Variants in CLDN14 observed in about 807,000 individuals in gnomAD.
CLDN14 encodes claudin 14.
A neutral mutation model predicts 2.1 loss-of-function variants in CLDN14; 2 were observed. The observed-to-expected ratio is 0.96, with a 90% CI of 0.39 to 3.01. CLDN14 has a LOEUF of 3.01. CLDN14 is among the 30% of genes most tolerant of loss of function. The probability of loss-of-function intolerance (pLI) is 0.09; values close to 1 mark genes in which losing one functional copy is unlikely to be tolerated. For missense variants in CLDN14, 298 were observed against 328.0 expected (o/e 0.91, Z 0.71); for synonymous variants, 136 against 154.4 (o/e 0.88, Z 0.88).
chr21:36,567,505 C>T (rs964027021), intron 1 of CLDN14, among the ~76,000 whole-genome samples: 8 of 152,200 alleles, frequency 5.3e-5, no homozygotes, highest in African/African-American at 1.9e-4. Flanking sequence ...TCCTTAATTA[C>T]AGCACGATTA....
chr21:36,501,594 C>G (rs1029522187), intron 2 of CLDN14, among the ~76,000 whole-genome samples: 4 of 151,960 alleles, frequency 2.6e-5, no homozygotes, highest in Admixed American at 2.6e-4. Context: ...AAATTTCCTC[C>G]TTGAAGATCT....
intron 2 of CLDN14, chr21:36,486,403 C>T (rs759096807): frequency 1.7e-6 from 2 of 1,158,912 alleles, no homozygotes; most frequent in East Asian, 4.7e-5. Flanking sequence ...CGTCTGGGCT[C>T]CTCATCCTGC....
intron 1 of CLDN14, among the ~76,000 whole-genome samples, chr21:36,552,034 C>A (rs1481144847): frequency 2.0e-5 from 3 of 152,200 alleles, no homozygotes; most frequent in Non-Finnish European, 2.9e-5. Flanking sequence ...GATAAAGTTA[C>A]TACATTCATC....
At chr21:36,508,718 C>T (rs1000423875) in intron 2 of CLDN14, among the ~76,000 whole-genome samples, 2 of 152,194 alleles carry the variant, frequency 1.3e-5, no homozygotes, top group Admixed American at 6.5e-5. Flanking sequence ...TTCTGTTAGC[C>T]AGGGTGGGCC....
chr21:36,476,437 A>G (rs1298763909), intron 1 of CLDN14, among the ~76,000 whole-genome samples: 1 of 148,262 alleles, frequency 6.7e-6, no homozygotes, highest in African/African-American at 2.5e-5. Flanking sequence ...ACAGGCATTT[A>G]TATTTTAATG....
At chr21:36,514,946 C>T (rs894636547) in intron 1 of CLDN14, among the ~76,000 whole-genome samples, 5 of 152,054 alleles carry the variant, frequency 3.3e-5, no homozygotes, top group African/African-American at 1.2e-4. Context: ...TCACTCAGAG[C>T]GACTTGAAAG....
At chr21:36,552,642 T>C (rs532321892) in intron 1 of CLDN14, among the ~76,000 whole-genome samples, 2 of 152,220 alleles carry the variant, frequency 1.3e-5, no homozygotes, top group Admixed American at 1.3e-4. Context: ...TTTACTGACC[T>C]GTGAAGTAAA....
chr21:36,541,583 G>T (rs992949980), intron 1 of CLDN14, among the ~76,000 whole-genome samples: 1 of 152,142 alleles, frequency 6.6e-6, no homozygotes, highest in African/African-American at 2.4e-5. Context: ...TTTCAACTTC[G>T]AAAGCATTTT....
chr21:36,540,569 T>C (rs1167433893), intron 1 of CLDN14, among the ~76,000 whole-genome samples: 4 of 151,640 alleles, frequency 2.6e-5, no homozygotes, highest in African/African-American at 7.3e-5. Context: ...CCCTCTGAAA[T>C]CCCACTCGTT....
chr21:36,565,780 C>T (rs1166702159), intron 1 of CLDN14, among the ~76,000 whole-genome samples: 1 of 152,178 alleles, frequency 6.6e-6, no homozygotes, highest in Non-Finnish European at 1.5e-5. Context: ...CTTTGCTCTA[C>T]AGCTGGTGCT....
chr21:36,525,846 T>C (rs2146497241), intron 1 of CLDN14, among the ~76,000 whole-genome samples: 1 of 152,202 alleles, frequency 6.6e-6, no homozygotes, highest in South Asian at 2.1e-4. Flanking sequence ...ACCGGTTACA[T>C]GGAGTCTTTA....
intron 2 of CLDN14, among the ~76,000 whole-genome samples, chr21:36,490,038 G>C (rs556713746): frequency 2.0e-5 from 3 of 152,184 alleles, no homozygotes; most frequent in Non-Finnish European, 2.9e-5. Flanking sequence ...TACGGCTGAG[G>C]GATCAGGATG....
At chr21:36,488,265 C>CCTTCCTTG (rs1486034082) in intron 2 of CLDN14, among the ~76,000 whole-genome samples, 5 of 149,932 alleles carry the variant, frequency 3.3e-5, no homozygotes, top group African/African-American at 1.2e-4. Flanking sequence ...TTCCTTCCTT[C>CCTTCCTTG]CTTCCTTCCC....
intron 1 of CLDN14, among the ~76,000 whole-genome samples, chr21:36,473,583 C>G (rs1328098150): frequency 1.2e-4 from 18 of 152,190 alleles, no homozygotes; most frequent in Admixed American, 1.2e-3. Flanking sequence ...CTGTGCCTAC[C>G]CACCTGGGGA....
chr21:36,529,186 C>G (rs1322304801), intron 1 of CLDN14, among the ~76,000 whole-genome samples: 3 of 152,150 alleles, frequency 2.0e-5, no homozygotes, highest in Non-Finnish European at 2.9e-5. Context: ...AATGCTTTCC[C>G]CGATCTCAAC....
chr21:36,508,832 G>A (rs1474578708), intron 2 of CLDN14, among the ~76,000 whole-genome samples: 1 of 152,202 alleles, frequency 6.6e-6, no homozygotes, highest in Non-Finnish European at 1.5e-5. Context: ...GGAAGGTTCT[G>A]GAGTAAGGGG....
At chr21:36,565,031 G>A (rs763597449) in intron 1 of CLDN14, among the ~76,000 whole-genome samples, 2 of 152,204 alleles carry the variant, frequency 1.3e-5, no homozygotes, top group Non-Finnish European at 1.5e-5. Flanking sequence ...CTCTAGAACT[G>A]TAGGATAATA....
At chr21:36,518,858 A>T (rs1291119444) in intron 1 of CLDN14, among the ~76,000 whole-genome samples, 4 of 152,216 alleles carry the variant, frequency 2.6e-5, no homozygotes, top group Admixed American at 6.5e-5. Context: ...AGAGGTACAA[A>T]TCAGGACCTG....
chr21:36,573,871 C>T (rs1204417982), intron 1 of CLDN14, among the ~76,000 whole-genome samples: 1 of 152,002 alleles, frequency 6.6e-6, no homozygotes, highest in East Asian at 1.9e-4. Flanking sequence ...ATGTATAAGA[C>T]ATCTACATAA....
Sources: gnomAD v4.1 joint callset for allele counts (sites outside exome capture counted in the v4.1 genomes callset) on GRCh38, gnomAD v4.1.1 for gene constraint, MANE v1.5 for transcripts, NCBI Gene and HGNC (gene_info 2026-07-23, HGNC 2026-07-21) for gene names.